ADD1: variants seen among roughly 807,000 people sequenced by gnomAD.
ADD1 encodes alpha-adducin.
ADD1 carries 24 observed loss-of-function variants against 80.5 expected under a neutral mutation model. The ratio of observed to expected loss-of-function variants is 0.30; its 90% CI spans 0.22 to 0.42. ADD1 has a LOEUF of 0.42. Among genes scored for constraint, ADD1 ranks in the 10% least tolerant of loss-of-function variants. ADD1 has a pLI of 1.00. For synonymous variants in ADD1, 373 were observed against 393.8 expected, an observed-to-expected ratio of 0.95 and a Z score of 0.63; for missense variants, 948 against 1,019.0, an observed-to-expected ratio of 0.93 and a Z score of 0.95.
intron 13 of ADD1, among the ~76,000 whole-genome samples, chr4:2,913,221 C>T (rs1738385020): frequency 6.6e-6 from 1 of 152,238 alleles, no homozygotes; most frequent in African/African-American, 2.4e-5. Context: ...AAGCATTTCT[C>T]TTGTATCACC....
At position 2,929,888 on chromosome 4, in the gene ADD1, C is replaced by T. The variant is rs1302494298; in HGVS notation, c.*1365C>T. 6.5e-6 allele frequency: 1 copy of T among 152,688 alleles called. No homozygotes were observed. The highest frequency in any genetic ancestry group is 2.4e-5 in the African/African-American group (1 of 41,468). The allele number at this position is 152,688 out of a possible 1,614,324, so 9.5% of individuals were successfully genotyped here. ...CCTTAACCGTGGACTCTTCCTTTAT[C>T]CCCTCCTTTACCCCACATATGCAAT... is the stretch of plus-strand genomic sequence containing the variant. On this transcript the variant is annotated 3_prime_UTR_variant, in exon 16 of 16. Transcript: ENST00000683351.
At chr4:2,904,700 C>T in intron 9 of ADD1, 64 bp from the exon 10 acceptor site, 1 of 1,463,920 alleles carries the variant, frequency 6.8e-7, no homozygotes, top group Non-Finnish European at 9.5e-7. Flanking sequence ...ACATGATTTT[C>T]CAAAGTGAAA....
chr4:2,848,666 A>G (rs1231982876), intron 1 of ADD1, among the ~76,000 whole-genome samples: 2 of 151,776 alleles, frequency 1.3e-5, no homozygotes, highest in African/African-American at 2.4e-5. Flanking sequence ...AAGGTTTCAA[A>G]AGCCTGAGCT....
At chr4:2,871,644 C>T (rs552359306) in intron 1 of ADD1, among the ~76,000 whole-genome samples, 6 of 152,234 alleles carry the variant, frequency 3.9e-5, no homozygotes, top group East Asian at 1.9e-4. Context: ...ATAGACAGCA[C>T]GGTGTGATGA....
In ADD1 at chr4:2,864,977, A is replaced by G. The variant is rs548361357; in HGVS notation, c.-20-10919A>G. On this transcript the variant is annotated intron_variant, in intron 1 of 15. Coordinates refer to ENST00000683351, the MANE Select transcript of ADD1 (RefSeq NM_001354761.2). ...TTTAAAAATGTGTGTGTGTATATCT[A>G]TGAACAAATAAAGGATCTCCTGGTC... Among the ~76,000 whole-genome samples the G allele has an allele frequency of 4.1e-4, 63 of 152,276 alleles. 1 individual carries two copies. In the South Asian group the frequency reaches 0.011, roughly 27 times the overall value.
intron 4 of ADD1, among the ~76,000 whole-genome samples, chr4:2,892,554 G>T (rs1295501347): frequency 3.9e-5 from 6 of 152,176 alleles, no homozygotes; most frequent in African/African-American, 1.4e-4. Context: ...ATTATGGTGG[G>T]CACAGTGGCT....
Position 2,926,804 on chromosome 4 carries a change from A to G in ADD1, c.2047+692A>G. On this transcript the variant is annotated intron_variant, in intron 15 of 15. Transcript: ENST00000683351. The surrounding 1 kb of genome is among the most constrained non-coding windows in gnomAD (Gnocchi z 5.0). The stretch of plus-strand genomic sequence containing the variant: ...AAAAACAGAAGCCCCCCTTTTTTGT[A>G]CCCAGTCCCTTGGAGGCCTTCCTGG... The G allele has an allele frequency of 9.2e-7, 1 of 1,086,810 alleles. No homozygotes were observed. Among genetic ancestry groups the G allele is most frequent in the Non-Finnish European group, 1.3e-6 (1 of 756,040 alleles). The allele number at this position is 1,086,810 out of a possible 1,614,324, so 67.3% of individuals were successfully genotyped here. A position where few individuals can be genotyped will look rare whatever the true frequency, so the allele number is the denominator to read the frequency against.
At chr4:2,885,352 A>T (rs953164495) in intron 4 of ADD1, among the ~76,000 whole-genome samples, 1 of 152,122 alleles carries the variant, frequency 6.6e-6, no homozygotes, top group Non-Finnish European at 1.5e-5. Context: ...TCAGAACCCA[A>T]ATCTCAAATG....
chr4:2,863,928 A>G (rs1577465390), intron 1 of ADD1, among the ~76,000 whole-genome samples: 2 of 152,196 alleles, frequency 1.3e-5, no homozygotes, highest in African/African-American at 2.4e-5. Context: ...GAAAGAAAAG[A>G]TTCTATTCTG....
intron 14 of ADD1, among the ~76,000 whole-genome samples, chr4:2,923,963 C>T (rs1740538423): frequency 6.6e-6 from 1 of 152,252 alleles, no homozygotes; most frequent in Non-Finnish European, 1.5e-5. Flanking sequence ...AACGTCCTTA[C>T]TGTGCTTGTG....
At chr4:2,871,755 G>A (rs1730492128) in intron 1 of ADD1, among the ~76,000 whole-genome samples, 1 of 152,146 alleles carries the variant, frequency 6.6e-6, no homozygotes, top group Non-Finnish European at 1.5e-5. Context: ...GCACATTTCA[G>A]ATGTCATTTT....
At chr4:2,857,198 C>T (rs920328459) in intron 1 of ADD1, among the ~76,000 whole-genome samples, 1 of 152,190 alleles carries the variant, frequency 6.6e-6, no homozygotes, top group East Asian at 1.9e-4. Flanking sequence ...AGACGTGAGC[C>T]ACCACACCCG....
intron 1 of ADD1, among the ~76,000 whole-genome samples, chr4:2,874,612 A>C (rs1271408134): frequency 6.6e-6 from 1 of 152,108 alleles, no homozygotes; most frequent in African/African-American, 2.4e-5. Flanking sequence ...CTCAAAAAAA[A>C]AAAAAAAGAA....
At position 2,884,851 on chromosome 4, in the gene ADD1, G is replaced by T. The variant is rs1427377324; in HGVS notation, c.510+185G>T. 3.3e-5 allele frequency among the ~76,000 whole-genome samples: 5 copies of T among 152,166 alleles called. No individual in the cohort carries two copies. The East Asian group carries it at 9.6e-4, about 29-fold the overall frequency. ...AGCCAGTTTGGGTTAAAAGTTACAGGAACAGCAGTTCTTGAAAATTTCTTT... is the reference window on the plus strand; with the variant it reads ...AGCCAGTTTGGGTTAAAAGTTACAGTAACAGCAGTTCTTGAAAATTTCTTT... On this transcript the variant is annotated intron_variant, in intron 4 of 15. Transcript: ENST00000683351.
chr4:2,877,749 G>T (rs1302099410), intron 2 of ADD1, among the ~76,000 whole-genome samples: 2 of 152,130 alleles, frequency 1.3e-5, no homozygotes, highest in African/African-American at 2.4e-5. Context: ...ACTTTGGGAG[G>T]CCAAGGCAGT....
rs368458180 is a variant in ADD1, at chr4:2,906,297, C to T, written c.1506+1189C>T. Among the ~76,000 whole-genome samples the T allele has an allele frequency of 1.1e-4, 16 of 152,128 alleles. No homozygotes were observed. The South Asian group carries it at 1.9e-3, about 18-fold the overall frequency. On this transcript the variant is annotated intron_variant, in intron 10 of 15. Coordinates refer to ENST00000683351, the MANE Select transcript of ADD1 (RefSeq NM_001354761.2). ...GTCTCTCCTCTTCTTTCCTGCCCTC[C>T]TTGTCTTCTTTCCCCCCTTCTTCCT...
intron 3 of ADD1, among the ~76,000 whole-genome samples, chr4:2,882,312 C>T (rs1291479881): frequency 6.6e-6 from 1 of 152,176 alleles, no homozygotes; most frequent in East Asian, 1.9e-4. Flanking sequence ...TATGTGTCTT[C>T]CCAGCCCCTA....
chr4:2,907,427 C>G, intron 10 of ADD1: 1 of 230,660 alleles, frequency 4.3e-6, no homozygotes, highest in South Asian at 5.9e-5. Flanking sequence ...TCTGAGGGGC[C>G]TCCCCTGCTG....
chr4:2,912,285 C>G (rs1179343231), intron 13 of ADD1, among the ~76,000 whole-genome samples: 1 of 152,200 alleles, frequency 6.6e-6, no homozygotes, highest in African/African-American at 2.4e-5. Context: ...TTCTCTGCAT[C>G]TCAGTCATTG....
Sources: allele counts gnomAD v4.1 joint callset (sites outside exome capture counted in the v4.1 genomes callset), GRCh38; gene constraint gnomAD v4.1.1; non-coding constraint Gnocchi (gnomAD v3.1); transcripts MANE v1.5; gene names NCBI Gene and HGNC (gene_info 2026-07-23, HGNC 2026-07-21).